CALM2: variants seen among roughly 807,000 people sequenced by gnomAD.
CALM2 encodes calmodulin 2.
A neutral mutation model predicts 19.8 loss-of-function variants in CALM2; 2 were observed. That is an observed-to-expected ratio of 0.10 (90% CI 0.04 to 0.32). The LOEUF (loss-of-function observed/expected upper bound fraction) is 0.32. CALM2 is among the 10% of genes least tolerant of loss of function. The probability of loss-of-function intolerance (pLI) is 1.00; values close to 1 mark genes in which losing one functional copy is unlikely to be tolerated. For synonymous variants in CALM2, 51 were observed against 52.1 expected (o/e 0.98, Z 0.09); for missense variants, 38 against 178.7 (o/e 0.21, Z 4.49).
chr2:47,172,605 C>G (rs962312346), intron 1 of CALM2: 1 of 439,632 alleles, frequency 2.3e-6, no homozygotes, highest in Non-Finnish European at 3.6e-6. Flanking sequence ...TTACTCTATT[C>G]AATGTTAACT....
At chr2:47,175,628 G>A (rs1175048548) in intron 1 of CALM2, among the ~76,000 whole-genome samples, 3 of 152,078 alleles carry the variant, frequency 2.0e-5, no homozygotes, top group Admixed American at 6.5e-5. Flanking sequence ...CCAGGGCCCA[G>A]ATGGAGAAGG....
chr2:47,172,429 T>G (rs781295009), intron 1 of CALM2: 15 of 840,478 alleles, frequency 1.8e-5, no homozygotes, highest in Non-Finnish European at 2.6e-5. Flanking sequence ...AGGGTTGTTG[T>G]GCAAAGTGAG....
chr2:47,167,187 A>G (rs762793166), intron 2 of CALM2, among the ~76,000 whole-genome samples: 2 of 152,190 alleles, frequency 1.3e-5, no homozygotes, highest in Non-Finnish European at 2.9e-5. Flanking sequence ...TACATTGAGT[A>G]ATATTAATAT....
chr2:47,164,696 C>A (rs184404245), intron 2 of CALM2, among the ~76,000 whole-genome samples: 1 of 152,238 alleles, frequency 6.6e-6, no homozygotes, highest in Admixed American at 6.5e-5. Context: ...CCAAGTAAGT[C>A]ATTTCCCAGA....
At chr2:47,161,526 A>G (rs1485048208) in intron 5 of CALM2, among the ~76,000 whole-genome samples, 197 bp downstream of exon 5, 1 of 152,190 alleles carries the variant, frequency 6.6e-6, no homozygotes, top group Non-Finnish European at 1.5e-5. Context: ...AAATATTTCT[A>G]AATTAAGTTC....
chr2:47,161,808 G>A lies in CALM2; in HGVS notation c.336C>T (p.Asn112=), dbSNP rs751334551. ...CTTCATCTGTTAACTTCTCTCCAAG[G>A]TTTGTCATCACATGGCGAAGTTCTG... The part of the protein sequence containing the change: ...SAAELRHVMT[N]LGEKLTDEEV... The change falls in exon 5 of 6, where the codon AAC becomes AAT. Residue 112 remains asparagine (N), a synonymous_variant. Transcript: ENST00000272298. 10 of 1,612,724 alleles carry A rather than the reference G, an allele frequency of 6.2e-6. No homozygotes were observed. In the Admixed American group the frequency reaches 1.0e-4, roughly 16 times the overall value.
chr2:47,170,320 T>C (rs1477348040), intron 2 of CALM2, among the ~76,000 whole-genome samples: 3 of 152,234 alleles, frequency 2.0e-5, no homozygotes, highest in Non-Finnish European at 4.4e-5. Context: ...TGTTAGCTAA[T>C]TTTAACTAGG....
intron 2 of CALM2, among the ~76,000 whole-genome samples, chr2:47,166,338 C>T (rs936198342): frequency 3.9e-5 from 6 of 152,180 alleles, no homozygotes; most frequent in Non-Finnish European, 4.4e-5. Context: ...TTTAACACCA[C>T]CATTAGGTGC....
At chr2:47,176,670 G>T (rs1051311701), upstream of CALM2, 15 of 1,441,142 alleles carry the variant, frequency 1.0e-5, no homozygotes, top group African/African-American at 1.9e-4. Flanking sequence ...GGTCGATGAG[G>T]CAAGAGATCA....
intron 2 of CALM2, 97 bp downstream of exon 2, chr2:47,170,637 C>G (rs191264385): frequency 2.1e-6 from 2 of 964,290 alleles, no homozygotes; most frequent in African/African-American, 3.2e-5. Flanking sequence ...TGACATATAC[C>G]AAAGTCAATT....
At chr2:47,164,654 T>C (rs912773262) in intron 2 of CALM2, among the ~76,000 whole-genome samples, 2 of 151,976 alleles carry the variant, frequency 1.3e-5, no homozygotes, top group East Asian at 3.9e-4. Context: ...TGCAAAGTTA[T>C]ACCAATCAGT....
At position 47,176,475 on chromosome 2, in the gene CALM2, C is replaced by G; in HGVS notation, c.-32G>C. ...AGCGCTACCGGTTTCCGAGACGCGACCACACAACCACTCAGCTCGCTCTCT... is the reference window on the plus strand; with the variant it reads ...AGCGCTACCGGTTTCCGAGACGCGAGCACACAACCACTCAGCTCGCTCTCT... On this transcript the variant is annotated 5_prime_UTR_variant, in exon 1 of 6. Transcript: ENST00000272298. 1.2e-6 allele frequency: 2 copies of G among 1,613,802 alleles called. No homozygotes were observed. The highest frequency in any genetic ancestry group is 1.7e-6 in the Non-Finnish European group (2 of 1,179,964).
At chr2:47,176,213 T>G (rs1666862332) in intron 1 of CALM2, 1 of 541,392 alleles carries the variant, frequency 1.8e-6, no homozygotes, top group Non-Finnish European at 3.3e-6. Context: ...CCTCGGGAAC[T>G]GTGCGTCCGG....
chr2:47,162,489 C>G, intron 3 of CALM2, 30 bp downstream of exon 3: 1 of 1,613,636 alleles, frequency 6.2e-7, no homozygotes, highest in Non-Finnish European at 8.5e-7. Flanking sequence ...TTCTTCAACC[C>G]CTCCCAGCCC....
At position 47,160,717 on chromosome 2, in the gene CALM2, A is replaced by C. The variant is rs1687129024; in HGVS notation, c.*59T>G. The C allele has an allele frequency of 9.9e-7, 1 of 1,008,924 alleles. No homozygotes were observed. The highest frequency in any genetic ancestry group is 2.7e-5 in the East Asian group (1 of 37,334). 62.5% of individuals were successfully genotyped at this position (1,008,924 alleles called of 1,614,324 possible). ...AACCTTTTACAGATAAGTTACAAAC[A>C]AAGAAAAGGCAAATAAACAATTTTG... On this transcript the variant is annotated 3_prime_UTR_variant, in exon 6 of 6. Transcript: ENST00000272298.
At chr2:47,161,543 C>A (rs547194410) in intron 5 of CALM2, among the ~76,000 whole-genome samples, 180 bp downstream of exon 5, 3 of 152,250 alleles carry the variant, frequency 2.0e-5, no homozygotes, top group East Asian at 3.9e-4. Context: ...GTTCTCAAGT[C>A]AGAGCAATGT....
At chr2:47,163,493 T>G (rs34307605) in intron 2 of CALM2, 3,436 of 151,686 alleles carry the variant, frequency 0.023, 41 homozygotes, top group African/African-American at 0.026. Context: ...AGTGCAATGG[T>G]GCAATCTCAG....
chr2:47,165,374 C>A (rs1666430152), intron 2 of CALM2, among the ~76,000 whole-genome samples: 1 of 152,170 alleles, frequency 6.6e-6, no homozygotes, highest in Admixed American at 6.5e-5. Context: ...TGGGGTGACA[C>A]AGTATACCAT....
intron 4 of CALM2, 70 bp from the exon 5 acceptor site, chr2:47,161,928 G>T: frequency 8.0e-7 from 1 of 1,254,058 alleles, no homozygotes; most frequent in South Asian, 1.3e-5. Flanking sequence ...AATTTATTAA[G>T]TTTACTACTA....
Sources: gnomAD v4.1 joint callset for allele counts (sites outside exome capture counted in the v4.1 genomes callset) on GRCh38, gnomAD v4.1.1 for gene constraint, MANE v1.5 for transcripts, NCBI Gene and HGNC (gene_info 2026-07-23, HGNC 2026-07-21) for gene names.